The following COL22A1 variants were observed in gnomAD, a reference collection of about 807,000 sequenced individuals.
The protein encoded by COL22A1 is collagen type XXII alpha 1 chain, also known as collagen alpha-1(XXII) chain.
In COL22A1, 221 loss-of-function variants were observed where a neutral mutation model predicts 248.9. The observed-to-expected ratio is 0.89, with a 90% CI of 0.80 to 0.99. The LOEUF (loss-of-function observed/expected upper bound fraction) is 0.99. Ranked by LOEUF, COL22A1 falls within the 50% of genes least tolerant of loss-of-function variation. COL22A1 has a pLI of 0.00. For missense variants in COL22A1, 2,240 were observed against 2,179.0 expected (o/e 1.03, Z -0.56); for synonymous variants, 891 against 793.4 (o/e 1.12, Z -2.07).
rs186741057 is a variant in COL22A1, at chr8:138,885,764, T to C, written c.-72-2520A>G. 6.0e-3 allele frequency among the ~76,000 whole-genome samples: 916 copies of C among 152,260 alleles called. 11 individuals carry two copies. Among genetic ancestry groups the C allele is most frequent in the African/African-American group, 0.021 (862 of 41,538 alleles). Reference sequence around the variant, plus strand: ...TTTTAATAGAGATGAGGTTACTCCATGTTGGTGAGGCTGGTTTCGAACTCC... The same window carrying C: ...TTTTAATAGAGATGAGGTTACTCCACGTTGGTGAGGCTGGTTTCGAACTCC... On this transcript the variant is annotated intron_variant, in intron 1 of 64. Coordinates refer to ENST00000303045, the MANE Select transcript of COL22A1 (RefSeq NM_152888.3).
rs775611424 is a variant in COL22A1, at chr8:138,594,122, G to T, written c.4510C>A (p.Pro1504Thr). Reference protein sequence around the residue: ...SSQGRPGPPGPPGKDGLPGRA... With the variant: ...SSQGRPGPPGTPGKDGLPGRA... ...CCTGGAAGCCCATCTTTTCCAGGGG[G>T]CCCTGGGGGCCCAGGTCTGCCTTGA... The change falls in exon 63 of 65, where the codon CCC (proline) becomes ACC (threonine). Residue 1504 changes from proline to threonine, a missense_variant. By Grantham distance (38) the Pro-to-Thr change is conservative. Coordinates refer to ENST00000303045, the MANE Select transcript of COL22A1 (RefSeq NM_152888.3). The T allele has an allele frequency of 1.3e-6, 2 of 1,577,886 alleles. No individual in the cohort carries two copies. The highest frequency in any genetic ancestry group is 4.1e-5 in the Admixed American group (2 of 48,872).
chr8:138,709,068 C>T (rs1445827490), intron 30 of COL22A1, among the ~76,000 whole-genome samples: 1 of 152,128 alleles, frequency 6.6e-6, no homozygotes, highest in Non-Finnish European at 1.5e-5. Flanking sequence ...CAGAGAAATG[C>T]TAATCAAAAC....
At chr8:138,778,450 G>A (rs1255131496) in intron 14 of COL22A1, 44 bp from the exon 15 acceptor site, 1 of 1,531,788 alleles carries the variant, frequency 6.5e-7, no homozygotes, top group African/African-American at 1.4e-5. Flanking sequence ...GGATGGAAAA[G>A]AAAGGCAAGT....
intron 59 of COL22A1, 150 bp from the exon 60 acceptor site, chr8:138,602,309 A>T: frequency 1.2e-5 from 8 of 670,812 alleles, no homozygotes; most frequent in Admixed American, 4.9e-5. Context: ...ATTTATGCCT[A>T]CATGGTGGGG....
chr8:138,788,970 G>A (rs1315922536), intron 12 of COL22A1, among the ~76,000 whole-genome samples: 1 of 152,204 alleles, frequency 6.6e-6, no homozygotes, highest in African/African-American at 2.4e-5. Flanking sequence ...CCAAGTTCTA[G>A]ATCCAGCCAG....
chr8:138,834,319 C>T (rs993747722), intron 4 of COL22A1, among the ~76,000 whole-genome samples: 1 of 150,454 alleles, frequency 6.6e-6, no homozygotes, highest in Non-Finnish European at 1.5e-5. Context: ...TTCCAATACT[C>T]TAAGGCACTA....
chr8:138,599,438 C>G (rs925608523), intron 60 of COL22A1, among the ~76,000 whole-genome samples: 1 of 152,086 alleles, frequency 6.6e-6, no homozygotes, highest in South Asian at 2.1e-4. Flanking sequence ...AAGATCGCAC[C>G]GCTGCACTCC....
At chr8:138,608,324 T>C (rs1013993358) in intron 56 of COL22A1, among the ~76,000 whole-genome samples, 2 of 152,222 alleles carry the variant, frequency 1.3e-5, no homozygotes, top group Admixed American at 1.3e-4. Flanking sequence ...AGTTGCTGTG[T>C]TGAAGAACAA....
intron 41 of COL22A1, among the ~76,000 whole-genome samples, chr8:138,665,734 A>G (rs1178573936): frequency 6.6e-6 from 1 of 152,220 alleles, no homozygotes; most frequent in African/African-American, 2.4e-5. Context: ...AGTTTCCACG[A>G]ACTTTGGAGG....
chr8:138,741,273 C>G (rs910280792), intron 22 of COL22A1, among the ~76,000 whole-genome samples: 2 of 152,196 alleles, frequency 1.3e-5, no homozygotes, highest in Non-Finnish European at 2.9e-5. Context: ...GAAATAAATA[C>G]TTGAGTCATG....
intron 39 of COL22A1, among the ~76,000 whole-genome samples, chr8:138,684,048 A>G (rs1826153711): frequency 6.6e-6 from 1 of 152,118 alleles, no homozygotes; most frequent in African/African-American, 2.4e-5. Flanking sequence ...TTACAAGACC[A>G]GGAGTTCAAG....
At chr8:138,756,397 A>G (rs938771626) in intron 18 of COL22A1, among the ~76,000 whole-genome samples, 5 of 152,254 alleles carry the variant, frequency 3.3e-5, no homozygotes, top group Middle Eastern at 3.4e-3. Flanking sequence ...CTGGGCTATG[A>G]CGGCTGTGGC....
At chr8:138,703,675 G>A (rs1828157761) in intron 30 of COL22A1, among the ~76,000 whole-genome samples, 1 of 152,156 alleles carries the variant, frequency 6.6e-6, no homozygotes, top group South Asian at 2.1e-4. Flanking sequence ...CAAGGTGGCT[G>A]AATAGGAACA....
intron 50 of COL22A1, among the ~76,000 whole-genome samples, chr8:138,629,386 T>C (rs1820523196): frequency 6.6e-6 from 1 of 151,754 alleles, no homozygotes; most frequent in Non-Finnish European, 1.5e-5. Context: ...ACTCCTGACC[T>C]CAGGTGATCT....
At chr8:138,880,809 T>C (rs923750234) in intron 2 of COL22A1, among the ~76,000 whole-genome samples, 1 of 152,236 alleles carries the variant, frequency 6.6e-6, no homozygotes, top group Non-Finnish European at 1.5e-5. Context: ...TTCAGGATAA[T>C]TGCTGCTGAG....
At chr8:138,606,952 C>G (rs7822001) in intron 57 of COL22A1, among the ~76,000 whole-genome samples, 1 of 151,918 alleles carries the variant, frequency 6.6e-6, no homozygotes, top group Non-Finnish European at 1.5e-5. Flanking sequence ...TGACCCAATC[C>G]CACCTCCTCT....
intron 59 of COL22A1, among the ~76,000 whole-genome samples, chr8:138,603,383 C>T (rs1397410598): frequency 6.6e-6 from 1 of 152,130 alleles, no homozygotes; most frequent in Non-Finnish European, 1.5e-5. Context: ...TAAAATTTAA[C>T]AACAAAAGGC....
At chr8:138,834,240 C>T (rs978589663) in intron 4 of COL22A1, among the ~76,000 whole-genome samples, 2 of 151,960 alleles carry the variant, frequency 1.3e-5, no homozygotes, top group African/African-American at 4.8e-5. Flanking sequence ...ACCTGTGCCC[C>T]CCCAGGGATA....
chr8:138,831,097 G>A (rs1334209091), intron 5 of COL22A1, among the ~76,000 whole-genome samples: 4 of 152,162 alleles, frequency 2.6e-5, no homozygotes, highest in Non-Finnish European at 4.4e-5. Context: ...AATCGCTCTT[G>A]GAATGCAGAC....
Sources: gnomAD v4.1 joint callset for allele counts (sites outside exome capture counted in the v4.1 genomes callset) on GRCh38, gnomAD v4.1.1 for gene constraint, MANE v1.5 for transcripts, NCBI Gene and HGNC (gene_info 2026-07-23, HGNC 2026-07-21) for gene names.